The following SIPA1L1 variants were observed in gnomAD, a reference collection of about 807,000 sequenced individuals.
SIPA1L1 encodes signal induced proliferation associated 1 like 1.
In SIPA1L1, 26 loss-of-function variants were observed where a neutral mutation model predicts 162.7. That is an observed-to-expected ratio of 0.16 (90% CI 0.12 to 0.22). The LOEUF is 0.22. SIPA1L1 is among the 10% of genes least tolerant of loss of function. SIPA1L1 has a pLI of 1.00. For synonymous variants in SIPA1L1, 829 were observed against 837.4 expected (o/e 0.99, Z 0.17); for missense variants, 1,874 against 2,241.0 (o/e 0.84, Z 3.31).
chr14:71,555,148 C>T (rs1015251572), intron 4 of SIPA1L1, among the ~76,000 whole-genome samples: 5 of 152,222 alleles, frequency 3.3e-5, no homozygotes, highest in African/African-American at 1.2e-4. Flanking sequence ...TGAAGCCAGG[C>T]ATTGACTTCT....
intron 2 of SIPA1L1, among the ~76,000 whole-genome samples, chr14:71,405,887 T>G (rs1044246023): frequency 6.6e-6 from 1 of 152,248 alleles, no homozygotes; most frequent in African/African-American, 2.4e-5. Flanking sequence ...TCTTGATATC[T>G]GAGGCCATGG....
intron 12 of SIPA1L1, among the ~76,000 whole-genome samples, chr14:71,676,730 G>T (rs958077141): frequency 1.3e-5 from 2 of 149,040 alleles, no homozygotes; most frequent in Non-Finnish European, 3.0e-5. Flanking sequence ...GTGGTGTTTG[G>T]TTTTTTTGTC....
intron 2 of SIPA1L1, among the ~76,000 whole-genome samples, chr14:71,452,618 T>G (rs1234657369): frequency 2.0e-5 from 3 of 152,180 alleles, no homozygotes; most frequent in African/African-American, 7.2e-5. Flanking sequence ...AAGCAAAGCC[T>G]TCTACTAAAG....
chr14:71,362,614 A>G (rs1430765964), intron 2 of SIPA1L1, among the ~76,000 whole-genome samples: 1 of 152,220 alleles, frequency 6.6e-6, no homozygotes. Flanking sequence ...TGATATTTTT[A>G]TCTGCATTGT....
At chr14:71,574,574 A>C (rs1227306256) in intron 4 of SIPA1L1, 2 of 152,250 alleles carry the variant, frequency 1.3e-5, no homozygotes, top group Non-Finnish European at 2.9e-5. Flanking sequence ...CCTTATAAAC[A>C]GTCTTGAATA....
intron 2 of SIPA1L1, among the ~76,000 whole-genome samples, chr14:71,327,861 T>C (rs1348140493): frequency 6.6e-6 from 1 of 152,196 alleles, no homozygotes; most frequent in Admixed American, 6.5e-5. Flanking sequence ...GTATTTGACA[T>C]ACGAAGAGAG....
rs895551002 is a variant in SIPA1L1 at position 71,534,834 on chromosome 14, C to T, written c.-303+5464C>T. Among the ~76,000 whole-genome samples the T allele has an allele frequency of 1.4e-4, 21 of 152,196 alleles. No homozygotes were observed. In the East Asian group the frequency reaches 1.7e-3, roughly 13 times the overall value. ...CTGCATGTGTATAGAGTCTGTTGAT[C>T]GTAAAGATTTAGGCCAAGATCCTGC... On this transcript the variant is annotated intron_variant, in intron 4 of 23. Transcript: ENST00000381232.
intron 13 of SIPA1L1, among the ~76,000 whole-genome samples, chr14:71,693,803 G>T (rs1206310570): frequency 1.3e-5 from 2 of 149,802 alleles, no homozygotes; most frequent in Non-Finnish European, 3.0e-5. Context: ...ACTTGGTCCT[G>T]TTCCCTGGTT....
chr14:71,400,895 G>C (rs1468650360), intron 2 of SIPA1L1: 1 of 151,992 alleles, frequency 6.6e-6, no homozygotes, highest in African/African-American at 2.4e-5. Context: ...TAAGACAAAT[G>C]CTAAATTCTT....
intron 2 of SIPA1L1, among the ~76,000 whole-genome samples, chr14:71,496,310 A>C (rs2049775060): frequency 6.6e-6 from 1 of 152,200 alleles, no homozygotes; most frequent in Non-Finnish European, 1.5e-5. Context: ...GTCTAAAAAT[A>C]AAAATTGTAT....
intron 2 of SIPA1L1, among the ~76,000 whole-genome samples, chr14:71,342,237 C>T (rs1453411100): frequency 1.3e-5 from 2 of 152,108 alleles, no homozygotes; most frequent in African/African-American, 4.8e-5. Context: ...TTCCTGGATT[C>T]AAATGATCCA....
chr14:71,719,388 A>G (rs889937550), intron 17 of SIPA1L1, among the ~76,000 whole-genome samples: 3 of 152,234 alleles, frequency 2.0e-5, no homozygotes, highest in Non-Finnish European at 2.9e-5. Flanking sequence ...CATAACAAGT[A>G]GCACTCCCAC....
Position 71,477,791 on chromosome 14 carries a change from T to TA in SIPA1L1, c.-464-34940dup, listed in dbSNP as rs550728817. Among the ~76,000 whole-genome samples the TA allele has an allele frequency of 1.1e-3, 166 of 144,432 alleles. 1 individual carries two copies. The highest frequency in any genetic ancestry group is 9.6e-3 in the South Asian group (43 of 4,470). 94.8% of individuals were successfully genotyped at this position (144,432 alleles called of 152,430 possible). A position where few individuals can be genotyped will look rare whatever the true frequency, so the allele number is the denominator to read the frequency against. On this transcript the variant is annotated intron_variant, in intron 2 of 23. Coordinates refer to ENST00000381232, the MANE Select transcript of SIPA1L1 (RefSeq NM_001386936.1). ...TTGGTTTGTTCTACTTTGGAGGTAT[T>TA]AAAAAAAAAAAAGCTACTGTGAACA...
intron 2 of SIPA1L1, among the ~76,000 whole-genome samples, chr14:71,437,271 T>C (rs1179400393): frequency 6.6e-6 from 1 of 152,232 alleles, no homozygotes; most frequent in African/African-American, 2.4e-5. Context: ...CTTAGCACTT[T>C]TGGAGGCCGA....
chr14:71,465,042 G>A (rs971133240), intron 2 of SIPA1L1, among the ~76,000 whole-genome samples: 1 of 152,204 alleles, frequency 6.6e-6, no homozygotes, highest in African/African-American at 2.4e-5. Context: ...TGGAAAGGCT[G>A]ATGGCAGCAT....
chr14:71,702,468 C>G lies in SIPA1L1; in HGVS notation c.3609C>G (p.Ser1203Arg). ...GTGGCAGCGGAAAATCCACGCCTAG[C>G]TGGCAAAGAAGTGAGGATAGCATTG... ...DIGGSGKSTP[S>R]WQRSEDSIAD... The change falls in exon 15 of 24, where the codon AGC becomes AGG. Residue 1203 changes from serine (S) to arginine (R), a missense_variant. Physicochemically the swap from Ser to Arg is moderately radical, Grantham distance 110. This residue lies in a region of SIPA1L1 where 936 missense variants were observed against 1,051.9 expected (regional missense o/e 0.89). Coordinates refer to ENST00000381232, the MANE Select transcript of SIPA1L1 (RefSeq NM_001386936.1). The G allele has an allele frequency of 6.2e-7, 1 of 1,614,166 alleles. No homozygotes were observed. The highest frequency in any genetic ancestry group is 1.1e-5 in the South Asian group (1 of 91,084).
rs1488290875 is a variant in SIPA1L1, at chr14:71,709,544, T to G, written c.4088T>G (p.Leu1363Arg). Residue 1363 changes from leucine to arginine, a missense_variant, in exon 17 of 24, where the codon CTG (leucine) becomes CGG (arginine). By Grantham distance (102) the Leu-to-Arg change is moderately radical (BLOSUM62 -2). Coordinates refer to ENST00000381232, the MANE Select transcript of SIPA1L1 (RefSeq NM_001386936.1). ...DRTLETESHG[L>R]DRKTESSLSL... ...ACTTTGGAGACAGAGAGCCACGGCC[T>G]GGACCGGAAAACAGAGTCTTCCCTG... is the stretch of plus-strand genomic sequence containing the variant. 5.0e-6 allele frequency: 8 copies of G among 1,614,086 alleles called. No individual in the cohort carries two copies. Among genetic ancestry groups the G allele is most frequent in the Non-Finnish European group, 6.8e-6 (8 of 1,180,042 alleles).
rs2034836082 is a variant in SIPA1L1 at position 71,588,132 on chromosome 14, A to G, written c.260A>G (p.Lys87Arg). The G allele has an allele frequency of 8.1e-6, 13 of 1,614,074 alleles. No individual in the cohort carries two copies. The highest frequency in any genetic ancestry group is 1.1e-5 in the Non-Finnish European group (13 of 1,180,014). Residue 87 changes from lysine to arginine, a missense_variant, in exon 5 of 24, where the codon AAG becomes AGG. Transcript: ENST00000381232. This position sits in a 1 kb window ranked among gnomAD's most constrained non-coding sequence, Gnocchi z 4.3. ...AGGATTGCAGATTGGCCCCCAAGAA[A>G]GGAAAACATAAAAGAATCTAGCCGT... The part of the protein sequence containing the change: ...RARIADWPPR[K>R]ENIKESSRSS...
rs756530467 is a variant in SIPA1L1 at position 71,723,661 on chromosome 14, G to A, written c.4223G>A (p.Arg1408Gln). 27 of 1,614,022 alleles carry A rather than the reference G, an allele frequency of 1.7e-5. 1 individual carries two copies. In the Middle Eastern group the frequency reaches 8.2e-4, roughly 49 times the overall value. The change falls in exon 18 of 24, where the codon CGA (arginine) becomes CAA (glutamine). Residue 1408 changes from arginine to glutamine, a missense_variant. Transcript: ENST00000381232. ...CTTCTCCTCAGTACCATGAGCTCCC[G>A]ACACTCTGCCAGCCCAGTGGTTTTC... is the stretch of plus-strand genomic sequence containing the variant. Reference protein sequence around the residue: ...AASHTSTMSSRHSASPVVFTS... With the variant: ...AASHTSTMSSQHSASPVVFTS...
Sources: gnomAD v4.1 joint callset for allele counts (sites outside exome capture counted in the v4.1 genomes callset) on GRCh38, gnomAD v4.1.1 for gene constraint, gnomAD v4.1.1 regional missense constraint, Gnocchi (gnomAD v3.1) non-coding constraint, MANE v1.5 for transcripts, NCBI Gene and HGNC (gene_info 2026-07-23, HGNC 2026-07-21) for gene names.